IMMP2L: variants seen among roughly 807,000 people sequenced by gnomAD.
IMMP2L encodes the protein mitochondrial inner membrane protease subunit 2.
Under a neutral mutation model 19.3 loss-of-function variants are expected in IMMP2L, and 18 were observed. That is an observed-to-expected ratio of 0.93 (90% confidence interval 0.64 to 1.38). The LOEUF (loss-of-function observed/expected upper bound fraction) is 1.38. Among genes scored for constraint, IMMP2L ranks in the 40% most tolerant of loss-of-function variants. The probability of loss-of-function intolerance (pLI) is 0.00; values close to 1 mark genes in which losing one functional copy is unlikely to be tolerated. For synonymous variants in IMMP2L, 76 were observed against 73.0 expected (o/e 1.04, Z -0.21); for missense variants, 233 against 218.2 (o/e 1.07, Z -0.43).
chr7:111,194,617 T>G (rs1321106472), intron 3 of IMMP2L, among the ~76,000 whole-genome samples: 2 of 152,184 alleles, frequency 1.3e-5, no homozygotes, highest in Admixed American at 6.5e-5. Flanking sequence ...CAATAGATGT[T>G]GTGAATGAAT....
chr7:111,006,442 C>G (rs942359238), intron 3 of IMMP2L, among the ~76,000 whole-genome samples: 5 of 152,134 alleles, frequency 3.3e-5, no homozygotes, highest in Admixed American at 2.0e-4. Context: ...CAGGAAACAA[C>G]TAGTTTAATC....
At chr7:111,264,520 T>C (rs1383602574) in intron 3 of IMMP2L, among the ~76,000 whole-genome samples, 4 of 152,054 alleles carry the variant, frequency 2.6e-5, no homozygotes, top group Admixed American at 1.3e-4. Flanking sequence ...TCTTTTTTTT[T>C]AGGTTTTCGC....
intron 5 of IMMP2L, among the ~76,000 whole-genome samples, chr7:110,837,174 A>C (rs1205105965): frequency 1.3e-5 from 2 of 152,196 alleles, no homozygotes; most frequent in Non-Finnish European, 2.9e-5. Flanking sequence ...TACAACTATT[A>C]AAAGGAATGG....
intron 3 of IMMP2L, among the ~76,000 whole-genome samples, chr7:111,460,284 C>T (rs1243062441): frequency 6.6e-6 from 1 of 152,092 alleles, no homozygotes; most frequent in Non-Finnish European, 1.5e-5. Context: ...TATCTAAATG[C>T]TATTAGATAA....
intron 4 of IMMP2L, among the ~76,000 whole-genome samples, chr7:110,929,308 A>G (rs1432711687): frequency 6.6e-6 from 1 of 152,156 alleles, no homozygotes; most frequent in East Asian, 1.9e-4. Context: ...TGCTTTCATC[A>G]TAATCAACAA....
chr7:111,560,529 T>C (rs950020298), intron 1 of IMMP2L, among the ~76,000 whole-genome samples: 1 of 152,216 alleles, frequency 6.6e-6, no homozygotes, highest in African/African-American at 2.4e-5. Context: ...CAGCCATCCT[T>C]GTAAGTTTAT....
At chr7:111,533,931 A>C (rs1197285658) in intron 1 of IMMP2L, among the ~76,000 whole-genome samples, 1 of 152,050 alleles carries the variant, frequency 6.6e-6, no homozygotes. Flanking sequence ...TAATATCAGT[A>C]TCTCTAAAAT....
intron 3 of IMMP2L, among the ~76,000 whole-genome samples, chr7:111,406,286 A>G (rs907973489): frequency 1.3e-5 from 2 of 152,082 alleles, no homozygotes; most frequent in Admixed American, 6.6e-5. Flanking sequence ...CCCAGCCATC[A>G]AAAAAGTACA....
At chr7:111,315,276 C>A (rs937497941) in intron 3 of IMMP2L, among the ~76,000 whole-genome samples, 2 of 152,008 alleles carry the variant, frequency 1.3e-5, no homozygotes, top group Admixed American at 6.6e-5. Context: ...CCAAATAACA[C>A]AGGAAACTAG....
intron 5 of IMMP2L, among the ~76,000 whole-genome samples, chr7:110,865,155 G>A (rs190333655): frequency 2.6e-5 from 4 of 151,848 alleles, no homozygotes; most frequent in South Asian, 2.1e-4. Flanking sequence ...AAGATTATAC[G>A]TGTCAGGAAG....
At chr7:111,304,103 G>T in intron 3 of IMMP2L, among the ~76,000 whole-genome samples, 1 of 152,116 alleles carries the variant, frequency 6.6e-6, no homozygotes, top group East Asian at 1.9e-4. Context: ...TATTCATAAC[G>T]AATATTGGCC....
intron 2 of IMMP2L, among the ~76,000 whole-genome samples, chr7:111,490,297 T>A (rs951358288): frequency 2.7e-5 from 4 of 150,584 alleles, no homozygotes; most frequent in African/African-American, 4.9e-5. Flanking sequence ...TTTTTTTTTT[T>A]TAGAGATGGG....
At chr7:110,788,105 C>G (rs1800209563) in intron 5 of IMMP2L, among the ~76,000 whole-genome samples, 1 of 151,858 alleles carries the variant, frequency 6.6e-6, no homozygotes, top group Non-Finnish European at 1.5e-5. Context: ...AGTCTTCCAG[C>G]CTAAAAAAAA....
intron 3 of IMMP2L, among the ~76,000 whole-genome samples, chr7:111,423,696 A>C (rs1428901030): frequency 6.6e-6 from 1 of 151,814 alleles, no homozygotes; most frequent in Non-Finnish European, 1.5e-5. Flanking sequence ...AATGCCCACA[A>C]GAGAAAGCAG....
At chr7:111,465,753 G>A (rs1183490090) in intron 3 of IMMP2L, among the ~76,000 whole-genome samples, 1 of 152,058 alleles carries the variant, frequency 6.6e-6, no homozygotes, top group African/African-American at 2.4e-5. Context: ...CAACCATTGT[G>A]GAAGTCAGTG....
At chr7:110,820,373 A>G (rs1345018361) in intron 5 of IMMP2L, among the ~76,000 whole-genome samples, 4 of 152,046 alleles carry the variant, frequency 2.6e-5, no homozygotes, top group African/African-American at 4.8e-5. Context: ...AAACAAGAAA[A>G]TCTCTTCTTA....
In IMMP2L at chr7:111,341,192, A is replaced by G. The variant is rs183329459; in HGVS notation, c.239+146046T>C. Among the ~76,000 whole-genome samples the G allele has an allele frequency of 2.2e-4, 33 of 152,294 alleles. No individual in the cohort carries two copies. The East Asian group carries it at 6.2e-3, about 28-fold the overall frequency. On this transcript the variant is annotated intron_variant, in intron 3 of 5. Coordinates refer to ENST00000405709, the MANE Select transcript of IMMP2L (RefSeq NM_032549.4). The stretch of plus-strand genomic sequence containing the variant: ...TAATTCGTCTACTAATCAGCTGTGT[A>G]ATCAATCTTTAATACAACCTAACCT...
intron 4 of IMMP2L, among the ~76,000 whole-genome samples, chr7:110,925,393 T>C (rs1169101332): frequency 3.3e-5 from 5 of 152,118 alleles, no homozygotes; most frequent in African/African-American, 1.2e-4. Context: ...GATACTCTCA[T>C]AGCTGTACCA....
At position 111,123,025 on chromosome 7, in the gene IMMP2L, G is replaced by A. The variant is rs761171917; in HGVS notation, c.240-159460C>T. 6.2e-7 allele frequency: 1 copy of A among 1,613,836 alleles called. No individual in the cohort carries two copies. Among genetic ancestry groups the A allele is most frequent in the Non-Finnish European group, 8.5e-7 (1 of 1,179,932 alleles). ...ACAGACTAACAATATTGCAAAAATT[G>A]AATACTCCACAGACTTTCCAGTAAA... On this transcript the variant is annotated intron_variant, in intron 3 of 5. Transcript: ENST00000405709. This position sits in a 1 kb window ranked among gnomAD's most constrained non-coding sequence, Gnocchi z 6.4.
Sources: allele counts gnomAD v4.1 joint callset (sites outside exome capture counted in the v4.1 genomes callset), GRCh38; gene constraint gnomAD v4.1.1; non-coding constraint Gnocchi (gnomAD v3.1); transcripts MANE v1.5; gene names NCBI Gene and HGNC (gene_info 2026-07-23, HGNC 2026-07-21).